NEK11: variants seen among roughly 807,000 people sequenced by gnomAD.
NEK11 encodes the protein serine/threonine-protein kinase Nek11.
Under a neutral mutation model 80.7 loss-of-function variants are expected in NEK11, and 72 were observed. The ratio of observed to expected loss-of-function variants is 0.89; its 90% CI spans 0.74 to 1.08. The LOEUF (loss-of-function observed/expected upper bound fraction) is 1.08, where lower values mean the gene tolerates loss of function less well. Ranked by LOEUF, NEK11 falls within the 50% of genes least tolerant of loss-of-function variation. The pLI is 0.00. For missense variants in NEK11, 764 were observed against 763.6 expected, an observed-to-expected ratio of 1.00 and a Z score of -0.01; for synonymous variants, 251 against 260.7, an observed-to-expected ratio of 0.96 and a Z score of 0.36.
At chr3:131,223,423 A>C (rs1186554696) in intron 14 of NEK11, among the ~76,000 whole-genome samples, 30 of 152,020 alleles carry the variant, frequency 2.0e-4, no homozygotes. Flanking sequence ...AGGAAATCTT[A>C]GGTAGGAGAG....
At chr3:131,345,311 T>C (rs1236728538) in intron 17 of NEK11, among the ~76,000 whole-genome samples, 1 of 152,098 alleles carries the variant, frequency 6.6e-6, no homozygotes, top group Non-Finnish European at 1.5e-5. Flanking sequence ...GTGGTTAATA[T>C]CCAAAATTTA....
At chr3:131,074,101 T>G (rs1219386209) in intron 3 of NEK11, among the ~76,000 whole-genome samples, 2 of 152,142 alleles carry the variant, frequency 1.3e-5, no homozygotes, top group Non-Finnish European at 2.9e-5. Flanking sequence ...TACCCTTTCA[T>G]GGCTTCCTTC....
In NEK11 at chr3:131,137,320, T is replaced by C. The variant is rs574565739; in HGVS notation, c.647+3364T>C. Among the ~76,000 whole-genome samples the C allele has an allele frequency of 2.0e-5, 3 of 152,218 alleles. No individual in the cohort carries two copies. In the South Asian group the frequency reaches 6.2e-4, roughly 32 times the overall value. On this transcript the variant is annotated intron_variant, in intron 7 of 17. Coordinates refer to ENST00000383366, the MANE Select transcript of NEK11 (RefSeq NM_024800.5). ...AAGAAAGTATCCTCATGGAAGAACA[T>C]TTCCAGGGTGGACAGGGAAGGGATG...
intron 17 of NEK11, among the ~76,000 whole-genome samples, chr3:131,341,384 C>T (rs555073467): frequency 6.6e-6 from 1 of 152,094 alleles, no homozygotes; most frequent in Non-Finnish European, 1.5e-5. Flanking sequence ...TTATTGTGGT[C>T]AGACACTAGA....
intron 14 of NEK11, among the ~76,000 whole-genome samples, chr3:131,208,074 T>C (rs1039880369): frequency 1.3e-5 from 2 of 152,206 alleles, no homozygotes; most frequent in Non-Finnish European, 2.9e-5. Flanking sequence ...GCCTAGGTTT[T>C]CTTCTAGGGT....
intron 3 of NEK11, among the ~76,000 whole-genome samples, chr3:131,078,708 C>T (rs756119641): frequency 2.0e-5 from 3 of 151,912 alleles, no homozygotes; most frequent in Non-Finnish European, 4.4e-5. Flanking sequence ...CTCTTCTCTC[C>T]AATGTGATTG....
chr3:131,142,654 C>T (rs1373158700), intron 7 of NEK11, among the ~76,000 whole-genome samples: 2 of 152,200 alleles, frequency 1.3e-5, no homozygotes, highest in East Asian at 3.8e-4. Context: ...AACATCCTTT[C>T]CTAAGCTGTA....
intron 16 of NEK11, among the ~76,000 whole-genome samples, chr3:131,259,146 C>T (rs1009293482): frequency 2.0e-5 from 3 of 152,154 alleles, no homozygotes; most frequent in Non-Finnish European, 4.4e-5. Context: ...AGCTCACATA[C>T]TTGTCCTAAT....
intron 4 of NEK11, among the ~76,000 whole-genome samples, chr3:131,104,961 C>A (rs1184445187): frequency 6.6e-6 from 1 of 152,222 alleles, no homozygotes; most frequent in Admixed American, 6.5e-5. Flanking sequence ...CCTGGGTGGG[C>A]AGCTGTCCTA....
intron 14 of NEK11, among the ~76,000 whole-genome samples, chr3:131,208,339 C>T (rs1366590661): frequency 6.6e-6 from 1 of 152,136 alleles, no homozygotes; most frequent in Non-Finnish European, 1.5e-5. Context: ...GTTTTGGTGC[C>T]AGTACCATGC....
intron 17 of NEK11, among the ~76,000 whole-genome samples, chr3:131,343,414 G>A (rs1412195206): frequency 6.6e-6 from 1 of 152,184 alleles, no homozygotes; most frequent in Non-Finnish European, 1.5e-5. Flanking sequence ...AAATAAGTGG[G>A]CAGTTTGAAT....
At position 131,229,393 on chromosome 3, in the gene NEK11, T is replaced by C. The variant is rs369632429; in HGVS notation, c.1560+705T>C. On this transcript the variant is annotated intron_variant, in intron 15 of 17. Transcript: ENST00000383366. ...AGATGAAGGGGAAAGCTTTGGGCAA[T>C]GTGCATACATACCTTCTTTTCTTCT... is the stretch of plus-strand genomic sequence containing the variant. Among the ~76,000 whole-genome samples, 5 of 152,234 alleles carry C rather than the reference T, an allele frequency of 3.3e-5. No individual in the cohort carries two copies. In the East Asian group the frequency reaches 5.8e-4, roughly 18 times the overall value.
chr3:131,194,683 T>G (rs2150315600), intron 14 of NEK11, among the ~76,000 whole-genome samples: 1 of 152,236 alleles, frequency 6.6e-6, no homozygotes, highest in Admixed American at 6.5e-5. Context: ...AACAAATGAT[T>G]AGGAGAAACT....
intron 6 of NEK11, 135 bp downstream of exon 6, chr3:131,132,944 G>C: frequency 1.9e-6 from 1 of 526,798 alleles, no homozygotes; most frequent in East Asian, 3.3e-5. Flanking sequence ...AAATTTTTAA[G>C]TACATGTGCT....
intron 14 of NEK11, among the ~76,000 whole-genome samples, chr3:131,225,244 A>G (rs1210027040): frequency 3.3e-5 from 5 of 152,224 alleles, no homozygotes; most frequent in African/African-American, 1.2e-4. Context: ...ACAATTGTCT[A>G]CAGTATTCAG....
At chr3:131,177,331 A>C (rs780129938) in intron 14 of NEK11, among the ~76,000 whole-genome samples, 2 of 152,216 alleles carry the variant, frequency 1.3e-5, no homozygotes, top group Non-Finnish European at 2.9e-5. Context: ...AATAAAATGC[A>C]GTTAGTAATA....
chr3:131,268,227 C>A (rs1255639845), intron 16 of NEK11, among the ~76,000 whole-genome samples: 2 of 152,158 alleles, frequency 1.3e-5, no homozygotes, highest in Non-Finnish European at 2.9e-5. Context: ...GCTTTTTTAG[C>A]TCAGAGGAGT....
chr3:131,147,891 T>C (rs1033569344), intron 7 of NEK11, among the ~76,000 whole-genome samples: 1 of 151,952 alleles, frequency 6.6e-6, no homozygotes, highest in Non-Finnish European at 1.5e-5. Context: ...CATTACAATG[T>C]TGAATAGAAG....
intron 17 of NEK11, among the ~76,000 whole-genome samples, chr3:131,287,031 T>C (rs1168306878): frequency 1.3e-5 from 2 of 152,186 alleles, no homozygotes; most frequent in Non-Finnish European, 2.9e-5. Context: ...TGGAAGAATA[T>C]TAGAGCCCTA....
Sources: allele counts gnomAD v4.1 joint callset (sites outside exome capture counted in the v4.1 genomes callset), GRCh38; gene constraint gnomAD v4.1.1; transcripts MANE v1.5; gene names NCBI Gene and HGNC (gene_info 2026-07-23, HGNC 2026-07-21).